MME: variants seen among roughly 807,000 people sequenced by gnomAD.
MME encodes neprilysin.
A neutral mutation model predicts 113.2 loss-of-function variants in MME; 98 were observed. The observed-to-expected ratio is 0.87, with a 90% CI of 0.74 to 1.02. The LOEUF is 1.02. Ranked by LOEUF, MME falls within the 50% of genes least tolerant of loss-of-function variation. MME has a pLI of 0.00. For synonymous variants in MME, 292 were observed against 300.6 expected, an observed-to-expected ratio of 0.97 and a Z score of 0.30; for missense variants, 836 against 896.0, an observed-to-expected ratio of 0.93 and a Z score of 0.86.
At chr3:155,052,770 A>G (rs1713804194) in intron 1 of MME, among the ~76,000 whole-genome samples, 1 of 152,298 alleles carries the variant, frequency 6.6e-6, no homozygotes, top group Non-Finnish European at 1.5e-5. Context: ...TCAGCTCCTC[A>G]TTACTTATGC....
At chr3:155,124,925 C>T (rs1340792926) in intron 8 of MME, among the ~76,000 whole-genome samples, 2 of 152,228 alleles carry the variant, frequency 1.3e-5, no homozygotes, top group African/African-American at 4.8e-5. Flanking sequence ...GGCAGGCCTC[C>T]TTGAGCTGTG....
intron 17 of MME, among the ~76,000 whole-genome samples, chr3:155,160,973 C>T (rs922877115): frequency 2.6e-5 from 4 of 151,862 alleles, no homozygotes; most frequent in African/African-American, 7.3e-5. Flanking sequence ...TCGATTGAAT[C>T]GTATGAAATT....
chr3:155,116,723 TG>T lies in MME; in HGVS notation c.501del (p.Trp167CysfsTer3). 1.2e-6 allele frequency: 2 copies of T among 1,613,608 alleles called. No individual in the cohort carries two copies. The highest frequency in any genetic ancestry group is 1.7e-6 in the Non-Finnish European group (2 of 1,179,792). On this transcript the variant is annotated frameshift_variant, in exon 6 of 23. Transcript: ENST00000360490. LOFTEE classifies it high-confidence loss of function. ...CAAACTGTTACCAGACATATATGGG[TG>T]GCCAGTAGCAACAGAAAACTGGGAG... ...LLKLLPDIYGWPVATENWEQK... is the reference protein window; with the variant it reads ...LLKLLPDIYGXPVATENWEQK...
At chr3:155,138,033 A>C in intron 8 of MME, 69 bp from the exon 9 acceptor site, 1 of 1,550,720 alleles carries the variant, frequency 6.4e-7, no homozygotes, top group Non-Finnish European at 8.9e-7. Flanking sequence ...TGAAATGAAA[A>C]TAAATTTTAA....
intron 16 of MME, among the ~76,000 whole-genome samples, chr3:155,150,552 A>T (rs73170610): frequency 0.015 from 2,321 of 152,276 alleles, 32 homozygotes; most frequent in Non-Finnish European, 0.025. Context: ...GTCTGCCTGT[A>T]TACCAGATAC....
chr3:155,066,375 T>C (rs940638287), intron 1 of MME, among the ~76,000 whole-genome samples: 6 of 152,232 alleles, frequency 3.9e-5, no homozygotes, highest in African/African-American at 1.4e-4. Context: ...GTTGCTCTAG[T>C]TGATTCCAGG....
chr3:155,057,271 C>T (rs1713964639), intron 1 of MME, among the ~76,000 whole-genome samples: 1 of 152,034 alleles, frequency 6.6e-6, no homozygotes, highest in Non-Finnish European at 1.5e-5. Flanking sequence ...ACAGCCCCAT[C>T]AAAAAGTGGG....
intron 22 of MME, 71 bp downstream of exon 22, chr3:155,172,683 C>A: frequency 5.5e-6 from 6 of 1,083,888 alleles, no homozygotes; most frequent in South Asian, 1.3e-5. Flanking sequence ...GGAATTTAGA[C>A]TTTTCTAACT....
In MME at chr3:155,026,438, C is replaced by G. The variant is rs140241418; in HGVS notation, c.-11+2114C>G. ...ACTACTTCCCTGTAAGAAAAATAAG[C>G]CTTGGCTGAGCGCAGTGGCTCACAC... On this transcript the variant is annotated intron_variant, in intron 1 of 22. Coordinates refer to the MME transcript ENST00000492661. 2.0e-5 allele frequency among the ~76,000 whole-genome samples: 3 copies of G among 152,136 alleles called. No homozygotes were observed. The East Asian group carries it at 5.8e-4, about 29-fold the overall frequency.
intron 1 of MME, among the ~76,000 whole-genome samples, chr3:155,046,813 T>G (rs981515167): frequency 1.3e-5 from 2 of 152,192 alleles, no homozygotes; most frequent in Non-Finnish European, 2.9e-5. Context: ...GTTTAAAAAG[T>G]AAAAATAAGT....
intron 8 of MME, among the ~76,000 whole-genome samples, chr3:155,134,410 A>C (rs1720451432): frequency 6.6e-6 from 1 of 152,118 alleles, no homozygotes; most frequent in Non-Finnish European, 1.5e-5. Context: ...CTCTTCCTGC[A>C]TTAATTCACT....
intron 14 of MME, among the ~76,000 whole-genome samples, chr3:155,145,934 C>T (rs1208384855): frequency 6.6e-6 from 1 of 152,036 alleles, no homozygotes; most frequent in African/African-American, 2.4e-5. Flanking sequence ...CATATGAGGC[C>T]TGATCCACTG....
At chr3:155,174,049 A>G (rs997746868) in intron 22 of MME, among the ~76,000 whole-genome samples, 4 of 151,956 alleles carry the variant, frequency 2.6e-5, no homozygotes, top group African/African-American at 9.7e-5. Context: ...AGAGGTATGA[A>G]CAGAATAAGA....
At chr3:155,159,075 C>T (rs554068949) in intron 16 of MME, 2 of 152,070 alleles carry the variant, frequency 1.3e-5, no homozygotes, top group African/African-American at 4.8e-5. Flanking sequence ...TAGACAAAAC[C>T]CATTCTTAGA....
chr3:155,138,709 G>A (rs1191297832), intron 9 of MME, among the ~76,000 whole-genome samples: 1 of 152,120 alleles, frequency 6.6e-6, no homozygotes, highest in Non-Finnish European at 1.5e-5. Context: ...AGTTCAAATT[G>A]TCAGGCTGCT....
chr3:155,133,058 A>ATATATAT (rs1399456952), intron 8 of MME, among the ~76,000 whole-genome samples: 2 of 84,240 alleles, frequency 2.4e-5, no homozygotes, highest in African/African-American at 9.1e-5. Context: ...AAAAAAAAAA[A>ATATATAT]AAAAATATAT....
intron 3 of MME, among the ~76,000 whole-genome samples, chr3:155,094,561 G>A (rs981704159): frequency 6.6e-5 from 10 of 152,280 alleles, no homozygotes; most frequent in Non-Finnish European, 1.2e-4. Flanking sequence ...GTTGTAGCCA[G>A]AAACAGAGAG....
At chr3:155,101,290 C>T (rs150467573) in intron 3 of MME, among the ~76,000 whole-genome samples, 2 of 152,302 alleles carry the variant, frequency 1.3e-5, no homozygotes, top group East Asian at 3.9e-4. Context: ...ATTGCAAGAA[C>T]AGCCTAATAC....
chr3:155,101,467 C>T (rs376659844), intron 3 of MME, among the ~76,000 whole-genome samples: 1 of 152,298 alleles, frequency 6.6e-6, no homozygotes, highest in East Asian at 1.9e-4. Flanking sequence ...CTCAAACATT[C>T]CACTTCCAGT....
Sources: allele counts gnomAD v4.1 joint callset (sites outside exome capture counted in the v4.1 genomes callset), GRCh38; gene constraint gnomAD v4.1.1; transcripts MANE v1.5; gene names NCBI Gene and HGNC (gene_info 2026-07-23, HGNC 2026-07-21).